AHNAK2: variants seen among roughly 807,000 people sequenced by gnomAD.
The protein encoded by AHNAK2 is protein AHNAK2.
Under a neutral mutation model 30.7 loss-of-function variants are expected in AHNAK2, and 18 were observed. The ratio of observed to expected loss-of-function variants is 0.59; its 90% CI spans 0.41 to 0.87. The LOEUF (loss-of-function observed/expected upper bound fraction) is 0.87, where lower values mean the gene tolerates loss of function less well. AHNAK2 is among the 40% of genes least tolerant of loss of function. AHNAK2 has a pLI of 0.00. For missense variants in AHNAK2, 8,604 were observed against 7,373.0 expected (o/e 1.17, Z -6.11); for synonymous variants, 3,590 against 3,073.8 (o/e 1.17, Z -5.56).
At chr14:104,965,617 G>C (rs1205206224) in intron 1 of AHNAK2, among the ~76,000 whole-genome samples, 4 of 152,242 alleles carry the variant, frequency 2.6e-5, no homozygotes, top group African/African-American at 9.6e-5. Flanking sequence ...TCAGAACTAA[G>C]GCCCCCATCC....
chr14:104,953,315 G>C lies in AHNAK2; in HGVS notation c.2136C>G (p.Leu712=), dbSNP rs1464097710. The C allele has an allele frequency of 6.2e-7, 1 of 1,612,822 alleles. No individual in the cohort carries two copies. Among genetic ancestry groups the C allele is most frequent in the Non-Finnish European group, 8.5e-7 (1 of 1,179,700 alleles). Residue 712 remains leucine (L), a synonymous_variant, in exon 7 of 7, where the codon CTC becomes CTG. Transcript: ENST00000333244. ...TGGTCTTGAGGTCCCCCTGCATGGA[G>C]AGGAGGCTCACGTCGGCCTCCACCT... The part of the protein sequence containing the change: ...APKVEADVSL[L]SMQGDLKTTD...
chr14:104,948,166 C>T lies in AHNAK2; in HGVS notation c.7285G>A (p.Asp2429Asn), dbSNP rs1248845948. Residue 2429 changes from aspartate (D) to asparagine (N), a missense_variant, in exon 7 of 7, where the codon GAC becomes AAC. Coordinates refer to ENST00000333244, the MANE Select transcript of AHNAK2 (RefSeq NM_138420.4). The part of the protein sequence containing the change: ...PQIDVKGPKL[D>N]LKGPKTDVMA... ...ACGTCCGTCTTGGGGCCTTTCAGGTCCAGCTTGGGGCCCTTGACATCTATC... is the reference window on the plus strand; with the variant it reads ...ACGTCCGTCTTGGGGCCTTTCAGGTTCAGCTTGGGGCCCTTGACATCTATC... 1.2e-6 allele frequency: 2 copies of T among 1,612,566 alleles called. No homozygotes were observed. Among genetic ancestry groups the T allele is most frequent in the Non-Finnish European group, 1.7e-6 (2 of 1,179,608 alleles).
At chr14:104,958,266 T>C (rs1368770600) in intron 1 of AHNAK2, among the ~76,000 whole-genome samples, 4 of 152,112 alleles carry the variant, frequency 2.6e-5, no homozygotes, top group Non-Finnish European at 5.9e-5. Flanking sequence ...CTCACCAACA[T>C]GGAGAAACCC....
rs754746573 is a variant in AHNAK2 at position 104,951,582 on chromosome 14, G to C, written c.3869C>G (p.Ser1290Cys). The change falls in exon 7 of 7, where the codon TCT becomes TGT. Residue 1290 changes from serine to cysteine, a missense_variant. Ser to Cys is a moderately radical substitution (Grantham distance 112, BLOSUM62 -1). Transcript: ENST00000333244. ...CATGTCCACCTCCACACTGGGCAGA[G>C]ACACAGCCACTTCGTGGGCCGTCAC... ...AEVTAHEVAV[S>C]LPSVEVDMQA... The C allele has an allele frequency of 7.2e-6, 9 of 1,248,044 alleles. 2 individuals are homozygous for C. The East Asian group carries it at 1.8e-4, about 25-fold the overall frequency. 77.3% of individuals were successfully genotyped at this position (1,248,044 alleles called of 1,614,324 possible).
Position 104,950,280 on chromosome 14 carries a change from A to G in AHNAK2, c.5171T>C (p.Val1724Ala), listed in dbSNP as rs141031216. The part of the protein sequence containing the change: ...DLEVQAGQVN[V>A]KLPEGPLPEG... ...GGGAAGGGGGCCCTCCGGGAGTTTC[A>G]CGTTCACTTGGCCAGCCTGGACCTC... Residue 1724 changes from valine (V) to alanine (A), a missense_variant, in exon 7 of 7, where the codon GTG becomes GCG. By Grantham distance (64) the Val-to-Ala change is moderately conservative. Transcript: ENST00000333244. 4.6e-4 allele frequency: 735 copies of G among 1,584,762 alleles called. 75 individuals carry two copies. In the African/African-American group the frequency reaches 9.0e-3, roughly 19 times the overall value.
rs769796835 is a variant in AHNAK2, at chr14:104,939,918, T to A, written c.15533A>T (p.Glu5178Val). 15 of 1,612,600 alleles carry A rather than the reference T, an allele frequency of 9.3e-6. No individual in the cohort carries two copies. The highest frequency in any genetic ancestry group is 1.3e-5 in the Non-Finnish European group (15 of 1,179,898). The stretch of plus-strand genomic sequence containing the variant: ...CTGCGAGTACTTGGTCATGGCTTCC[T>A]CCTCTGGGCTTTCCACTGTGAGGAC... ...AEVLTVESPE[E>V]EAMTKYSQES... Residue 5178 changes from glutamate (E) to valine (V), a missense_variant, in exon 7 of 7, where the codon GAG becomes GTG. Glu to Val is a moderately radical substitution (Grantham distance 121, BLOSUM62 -2). Coordinates refer to ENST00000333244, the MANE Select transcript of AHNAK2 (RefSeq NM_138420.4).
Position 104,946,417 on chromosome 14 carries a change from C to G in AHNAK2, c.9034G>C (p.Val3012Leu). ...TCCCCCTGCATGGAGGGGAGGCTCA[C>G]TTCGGCCTCCACCTTCGGCGCAGAC... ...DVSAPKVEAE[V>L]SLPSMQGDLK... The change falls in exon 7 of 7, where the codon GTG becomes CTG. Residue 3012 changes from valine to leucine, a missense_variant. Physicochemically the swap from Val to Leu is conservative, Grantham distance 32. Coordinates refer to ENST00000333244, the MANE Select transcript of AHNAK2 (RefSeq NM_138420.4). The G allele has an allele frequency of 2.5e-6, 4 of 1,612,658 alleles. No individual in the cohort carries two copies. Among genetic ancestry groups the G allele is most frequent in the Non-Finnish European group, 3.4e-6 (4 of 1,179,542 alleles).
rs759989281 is a variant in AHNAK2 at position 104,943,602 on chromosome 14, A to G, written c.11849T>C (p.Leu3950Pro). Reference protein sequence around the residue: ...APGAKLDGARLEGDLSLADKD... With the variant: ...APGAKLDGARPEGDLSLADKD... ...GTCGGCCAGGGACAGGTCCCCCTCC[A>G]GCCGCGCACCATCCAGCTTGGCTCC... is the stretch of plus-strand genomic sequence containing the variant. The change falls in exon 7 of 7, where the codon CTG (leucine) becomes CCG (proline). Residue 3950 changes from leucine (L) to proline (P), a missense_variant. Leu to Pro is a moderately conservative substitution (Grantham distance 98, BLOSUM62 -3). Coordinates refer to ENST00000333244, the MANE Select transcript of AHNAK2 (RefSeq NM_138420.4). The G allele has an allele frequency of 5.6e-6, 9 of 1,612,990 alleles. No individual in the cohort carries two copies.
intron 4 of AHNAK2, 146 bp from the exon 5 acceptor site, chr14:104,955,779 C>G: frequency 3.7e-6 from 4 of 1,077,456 alleles, no homozygotes; most frequent in Non-Finnish European, 5.0e-6. Context: ...GGGTACCCAC[C>G]AGGTGGGCTC....
rs1411069709 is a variant in AHNAK2 at position 104,949,514 on chromosome 14, C to T, written c.5937G>A (p.Lys1979=). Residue 1979 remains lysine, a synonymous_variant, in exon 7 of 7, where the codon AAG becomes AAA. Coordinates refer to ENST00000333244, the MANE Select transcript of AHNAK2 (RefSeq NM_138420.4). ...ACTTGCTGTCTTTGGCAGTCATGTC[C>T]TTGTCGGCCAGGGACAGGTCTCCCT... ...RLEGDLSLAD[K]DMTAKDSKFK... 4.4e-6 allele frequency: 7 copies of T among 1,588,188 alleles called. No homozygotes were observed. The highest frequency in any genetic ancestry group is 1.7e-5 in the Admixed American group (1 of 57,572).
intron 3 of AHNAK2, 82 bp downstream of exon 3, chr14:104,957,328 G>A (rs1899003942): frequency 6.0e-6 from 8 of 1,323,848 alleles, no homozygotes; most frequent in Non-Finnish European, 8.2e-6. Flanking sequence ...CAGCAAGGTT[G>A]AACAGACATG....
rs780982042 is a variant in AHNAK2, at chr14:104,950,654, C to A, written c.4797G>T (p.Lys1599Asn). Residue 1599 changes from lysine to asparagine, a missense_variant, in exon 7 of 7, where the codon AAG becomes AAT. Coordinates refer to ENST00000333244, the MANE Select transcript of AHNAK2 (RefSeq NM_138420.4). Reference protein sequence around the residue: ...VDLKGPQIDVKGPKLDLKGPK... With the variant: ...VDLKGPQIDVNGPKLDLKGPK... ...GGCCTTTCAGGTCCAGCTTGGGGCC[C>A]TTAACATCTATCTGGGGCCCCTTGA... 6.3e-7 allele frequency: 1 copy of A among 1,587,072 alleles called. No homozygotes were observed. The highest frequency in any genetic ancestry group is 1.7e-5 in the Admixed American group (1 of 57,508).
chr14:104,947,839 C>T lies in AHNAK2; in HGVS notation c.7612G>A (p.Ala2538Thr), dbSNP rs554724166. The T allele has an allele frequency of 1.9e-5, 31 of 1,612,498 alleles. No individual in the cohort carries two copies. The highest frequency in any genetic ancestry group is 1.6e-4 in the East Asian group (7 of 44,724). Reference protein sequence around the residue: ...ATDLSIQPPSADLEVQAGQVD... With the variant: ...ATDLSIQPPSTDLEVQAGQVD... ...TGGCCAGCCTGGACCTCCAGGTCAG[C>T]GGAAGGGGGCTGAATGCTGAGGTCA... is the stretch of plus-strand genomic sequence containing the variant. Residue 2538 changes from alanine to threonine, a missense_variant, in exon 7 of 7, where the codon GCT becomes ACT. Coordinates refer to ENST00000333244, the MANE Select transcript of AHNAK2 (RefSeq NM_138420.4).
intron 3 of AHNAK2, among the ~76,000 whole-genome samples, 200 bp from the exon 4 acceptor site, chr14:104,956,889 C>A (rs1031757869): frequency 6.6e-6 from 1 of 152,212 alleles, no homozygotes; most frequent in Admixed American, 6.5e-5. Context: ...TGCTTCCCGA[C>A]AGGGCCCAGC....
chr14:104,962,204 G>A (rs868860197), intron 1 of AHNAK2, among the ~76,000 whole-genome samples: 1 of 152,032 alleles, frequency 6.6e-6, no homozygotes, highest in Non-Finnish European at 1.5e-5. Context: ...GACAGCAGCC[G>A]GTGCATGCTG....
intron 1 of AHNAK2, among the ~76,000 whole-genome samples, chr14:104,977,824 G>C (rs979039498): frequency 6.6e-6 from 1 of 152,226 alleles, no homozygotes; most frequent in African/African-American, 2.4e-5. Flanking sequence ...CTCTCGACCA[G>C]ACAGCGTCCC....
rs751790585 is a variant in AHNAK2, at chr14:104,947,642, T to C, written c.7809A>G (p.Thr2603=). 80 of 1,611,800 alleles carry C rather than the reference T, an allele frequency of 5.0e-5. 1 individual carries two copies. In the African/African-American group the frequency reaches 7.8e-4, roughly 16 times the overall value. ...ACAGAGACATCTCCACATCGGGGGC[T>C]GTCACTTCCGCCTTGGGGCCTTTCA... ...LDLKGPKAEV[T]APDVEMSLSS... The change falls in exon 7 of 7, where the codon ACA becomes ACG. Residue 2603 remains threonine (T), a synonymous_variant. Transcript: ENST00000333244.
In AHNAK2 at chr14:104,945,693, A is replaced by T. The variant is rs367894810; in HGVS notation, c.9758T>A (p.Leu3253Gln). Residue 3253 changes from leucine (L) to glutamine (Q), a missense_variant, in exon 7 of 7, where the codon CTG becomes CAG. Coordinates refer to ENST00000333244, the MANE Select transcript of AHNAK2 (RefSeq NM_138420.4). ...ATCCATCTTCGGGCCTTTCAGGTCC[A>T]GCTTGGGGCCCTTGATGTCTATCTG... is the stretch of plus-strand genomic sequence containing the variant. The part of the protein sequence containing the change: ...GPQIDIKGPK[L>Q]DLKGPKMDVT... The T allele has an allele frequency of 6.2e-7, 1 of 1,600,308 alleles. No homozygotes were observed. Among genetic ancestry groups the T allele is most frequent in the African/African-American group, 1.4e-5 (1 of 73,506 alleles).
In AHNAK2 at chr14:104,946,750, T is replaced by G; in HGVS notation, c.8701A>C (p.Met2901Leu). The G allele has an allele frequency of 1.2e-6, 2 of 1,612,648 alleles. No individual in the cohort carries two copies. Among genetic ancestry groups the G allele is most frequent in the Admixed American group, 3.3e-5 (2 of 59,914 alleles). Reference sequence around the variant, plus strand: ...ACTTTGGGCATCTTGAAACTGGGCATCTGCACCTTGGGCAGGTGCCCTTTG... The same window carrying G: ...ACTTTGGGCATCTTGAAACTGGGCAGCTGCACCTTGGGCAGGTGCCCTTTG... ...GLKGHLPKVQ[M>L]PSFKMPKVDL... Residue 2901 changes from methionine to leucine, a missense_variant, in exon 7 of 7, where the codon ATG becomes CTG. Coordinates refer to ENST00000333244, the MANE Select transcript of AHNAK2 (RefSeq NM_138420.4).
Sources: allele counts gnomAD v4.1 joint callset (sites outside exome capture counted in the v4.1 genomes callset), GRCh38; gene constraint gnomAD v4.1.1; transcripts MANE v1.5; gene names NCBI Gene and HGNC (gene_info 2026-07-23, HGNC 2026-07-21).